The following SPTBN1 variants were observed in gnomAD, a reference collection of about 807,000 sequenced individuals.
SPTBN1 encodes the protein spectrin beta, non-erythrocytic 1.
SPTBN1 carries 32 observed loss-of-function variants against 266.4 expected under a neutral mutation model. That is an observed-to-expected ratio of 0.12 (90% CI 0.09 to 0.16). SPTBN1 has a LOEUF of 0.16. Among genes scored for constraint, SPTBN1 ranks in the 10% least tolerant of loss-of-function variants. SPTBN1 has a pLI of 1.00. For synonymous variants in SPTBN1, 1,336 were observed against 1,162.2 expected (o/e 1.15, Z -3.04); for missense variants, 2,296 against 3,067.1 (o/e 0.75, Z 5.94).
In SPTBN1 at chr2:54,558,231, G is replaced by C. The variant is rs990704868; in HGVS notation, c.148+31665G>C. The C allele has an allele frequency of 5.1e-6, 5 of 985,238 alleles. No homozygotes were observed. The highest frequency in any genetic ancestry group is 4.8e-6 in the Non-Finnish European group (4 of 829,896). The allele number at this position is 985,238 out of a possible 1,614,324, so 61.0% of individuals were successfully genotyped here. A position where few individuals can be genotyped will look rare whatever the true frequency, so the allele number is the denominator to read the frequency against. ...ACCGCGGACCGTGCGGGACCGGTAGGGGGTCGCGGGCCGGCTAGGCTCCCC... is the reference window on the plus strand; with the variant it reads ...ACCGCGGACCGTGCGGGACCGGTAGCGGGTCGCGGGCCGGCTAGGCTCCCC... On this transcript the variant is annotated intron_variant, in intron 2 of 35. Transcript: ENST00000356805. The surrounding 1 kb of genome is among the most constrained non-coding windows in gnomAD (Gnocchi z 4.6).
intron 2 of SPTBN1, 24 bp downstream of exon 2, chr2:54,526,590 G>A: frequency 6.2e-7 from 1 of 1,601,600 alleles, no homozygotes; most frequent in Non-Finnish European, 8.5e-7. Flanking sequence ...ACCTGTCACA[G>A]AGGCCCAGGA....
intron 1 of SPTBN1, among the ~76,000 whole-genome samples, chr2:54,464,385 C>T (rs190313730): frequency 2.6e-3 from 401 of 152,134 alleles, no homozygotes; most frequent in Admixed American, 3.9e-3. Flanking sequence ...GGGAAGATGC[C>T]GGTAATACAG....
chr2:54,471,789 C>CT (rs1156306115), intron 1 of SPTBN1, among the ~76,000 whole-genome samples: 1 of 93,142 alleles, frequency 1.1e-5, no homozygotes, highest in Admixed American at 1.3e-4. Flanking sequence ...GTGCTTTCCT[C>CT]TTTTTTATCG....
intron 2 of SPTBN1, among the ~76,000 whole-genome samples, chr2:54,590,601 C>A (rs1426167084): frequency 6.6e-6 from 1 of 152,144 alleles, no homozygotes; most frequent in African/African-American, 2.4e-5. Flanking sequence ...TAGGAGAGGG[C>A]CTCTTGGTAG....
intron 1 of SPTBN1, among the ~76,000 whole-genome samples, chr2:54,496,699 T>C (rs1421269158): frequency 6.6e-6 from 1 of 152,160 alleles, no homozygotes; most frequent in African/African-American, 2.4e-5. Flanking sequence ...GACTTGCAAA[T>C]GATAATAACA....
At chr2:54,614,286 T>C (rs1371252919) in intron 4 of SPTBN1, among the ~76,000 whole-genome samples, 1 of 152,170 alleles carries the variant, frequency 6.6e-6, no homozygotes, top group African/African-American at 2.4e-5. Context: ...ACTCCACATA[T>C]CCTTGTAGAT....
At chr2:54,463,496 A>T (rs1223742774) in intron 1 of SPTBN1, among the ~76,000 whole-genome samples, 1 of 152,170 alleles carries the variant, frequency 6.6e-6, no homozygotes, top group Non-Finnish European at 1.5e-5. Context: ...CAGGCTCTTT[A>T]CACAACCCAC....
chr2:54,464,453 C>T (rs1693523939), intron 1 of SPTBN1, among the ~76,000 whole-genome samples: 1 of 152,050 alleles, frequency 6.6e-6, no homozygotes, highest in Non-Finnish European at 1.5e-5. Flanking sequence ...CCTGGTTTTA[C>T]TGTATTAAGT....
intron 2 of SPTBN1, among the ~76,000 whole-genome samples, chr2:54,573,692 TCA>T (rs1674250647): frequency 6.6e-6 from 1 of 152,224 alleles, no homozygotes; most frequent in African/African-American, 2.4e-5. Flanking sequence ...GGAGACATGG[TCA>T]TTAGAATAAT....
chr2:54,500,778 T>C (rs994795315), intron 1 of SPTBN1, among the ~76,000 whole-genome samples: 1 of 152,190 alleles, frequency 6.6e-6, no homozygotes, highest in African/African-American at 2.4e-5. Flanking sequence ...CCTCAAGGGA[T>C]CTGCCTGCCT....
chr2:54,603,624 T>C (rs531969801), intron 3 of SPTBN1, among the ~76,000 whole-genome samples: 1 of 152,280 alleles, frequency 6.6e-6, no homozygotes, highest in South Asian at 2.1e-4. Context: ...TATTCCCCGA[T>C]TAATTGTAAT....
In SPTBN1 at chr2:54,558,600, T is replaced by C; in HGVS notation, c.148+32034T>C. The C allele has an allele frequency of 7.1e-7, 1 of 1,399,128 alleles. No homozygotes were observed. Among genetic ancestry groups the C allele is most frequent in the Non-Finnish European group, 9.3e-7 (1 of 1,074,106 alleles). 86.7% of individuals were successfully genotyped at this position (1,399,128 alleles called of 1,614,324 possible). Reference sequence around the variant, plus strand: ...CCTGTGTGGTAACTCCTCGCGGAGCTAAGGTGGACTCTCTTGCAGCCAACT... The same window carrying C: ...CCTGTGTGGTAACTCCTCGCGGAGCCAAGGTGGACTCTCTTGCAGCCAACT... On this transcript the variant is annotated intron_variant, in intron 2 of 35. Coordinates refer to ENST00000356805, the MANE Select transcript of SPTBN1 (RefSeq NM_003128.3). The surrounding 1 kb of genome is among the most constrained non-coding windows in gnomAD (Gnocchi z 4.6).
chr2:54,553,452 C>T (rs962022104), intron 2 of SPTBN1, among the ~76,000 whole-genome samples: 5 of 152,164 alleles, frequency 3.3e-5, no homozygotes, highest in East Asian at 1.9e-4. Context: ...GGTTTGGAGC[C>T]GCTTCTCTAT....
At chr2:54,511,586 G>A (rs1669860815) in intron 1 of SPTBN1, among the ~76,000 whole-genome samples, 1 of 152,022 alleles carries the variant, frequency 6.6e-6, no homozygotes, top group Non-Finnish European at 1.5e-5. Flanking sequence ...AATTCTGGCC[G>A]GACATGGTGG....
At chr2:54,517,467 A>G (rs899552804) in intron 1 of SPTBN1, among the ~76,000 whole-genome samples, 2 of 152,220 alleles carry the variant, frequency 1.3e-5, no homozygotes, top group African/African-American at 4.8e-5. Context: ...AAATATTACT[A>G]TACTCTGTCA....
chr2:54,544,026 G>A (rs926570604), intron 2 of SPTBN1, among the ~76,000 whole-genome samples: 2 of 152,248 alleles, frequency 1.3e-5, no homozygotes, highest in South Asian at 2.1e-4. Context: ...CTAAATTCCC[G>A]GGAGGATTAT....
chr2:54,667,775 T>A, intron 35 of SPTBN1, 129 bp downstream of exon 35: 1 of 785,984 alleles, frequency 1.3e-6, no homozygotes, highest in Non-Finnish European at 2.1e-6. Context: ...TGGGCTCCAG[T>A]CACCAGCACT....
chr2:54,521,263 C>T (rs1009171061), intron 1 of SPTBN1, among the ~76,000 whole-genome samples: 4 of 152,238 alleles, frequency 2.6e-5, no homozygotes, highest in Admixed American at 6.5e-5. Flanking sequence ...GACTTCTTCA[C>T]CCTCACGTCA....
At chr2:54,660,312 T>C (rs935848496) in intron 32 of SPTBN1, 4 of 1,300,258 alleles carry the variant, frequency 3.1e-6, no homozygotes, top group Non-Finnish European at 2.9e-6. Flanking sequence ...CTTTTTACTT[T>C]ATTAAGATTT....
Sources: gnomAD v4.1 joint callset for allele counts (sites outside exome capture counted in the v4.1 genomes callset) on GRCh38, gnomAD v4.1.1 for gene constraint, Gnocchi (gnomAD v3.1) non-coding constraint, MANE v1.5 for transcripts, NCBI Gene and HGNC (gene_info 2026-07-23, HGNC 2026-07-21) for gene names.